The following MAEA variants were observed in gnomAD, a reference collection of about 807,000 sequenced individuals.
MAEA encodes macrophage erythroblast attacher, E3 ubiquitin ligase.
In MAEA, 22 loss-of-function variants were observed where a neutral mutation model predicts 46.2. The observed-to-expected ratio is 0.48, with a 90% CI of 0.34 to 0.68. MAEA has a LOEUF of 0.68. Ranked by LOEUF, MAEA falls within the 30% of genes least tolerant of loss-of-function variation. The probability of loss-of-function intolerance (pLI) is 0.01; values close to 1 mark genes in which losing one functional copy is unlikely to be tolerated. For missense variants in MAEA, 393 were observed against 558.1 expected (o/e 0.70, Z 2.98); for synonymous variants, 246 against 222.6 (o/e 1.11, Z -0.94).
chr4:1,311,951 A>T lies in MAEA; in HGVS notation c.70-28A>T. On this transcript the variant is annotated intron_variant, in intron 1 of 8. Transcript: ENST00000303400. The surrounding 1 kb of genome is among the most constrained non-coding windows in gnomAD (Gnocchi z 4.4). Reference sequence around the variant, plus strand: ...GGTGGGGCTCACACCAGGGGAGCAGATCCCTCACCATCCTCCTTCCTCTCC... The same window carrying T: ...GGTGGGGCTCACACCAGGGGAGCAGTTCCCTCACCATCCTCCTTCCTCTCC... 6.3e-7 allele frequency: 1 copy of T among 1,588,842 alleles called. No homozygotes were observed. The highest frequency in any genetic ancestry group is 8.6e-7 in the Non-Finnish European group (1 of 1,162,560).
chr4:1,297,001 TC>T (rs753825061), intron 1 of MAEA, among the ~76,000 whole-genome samples: 2 of 152,116 alleles, frequency 1.3e-5, no homozygotes, highest in African/African-American at 2.4e-5. Context: ...ACTGCTGCCC[TC>T]CCCAGGCCTC....
chr4:1,329,307 C>T, intron 5 of MAEA: 1 of 983,026 alleles, frequency 1.0e-6, no homozygotes, highest in Non-Finnish European at 1.2e-6. Flanking sequence ...GCCTGTGTTC[C>T]CCCCGCTCCG....
intron 1 of MAEA, among the ~76,000 whole-genome samples, chr4:1,291,039 C>T (rs1170133006): frequency 6.6e-6 from 1 of 152,204 alleles, no homozygotes. Flanking sequence ...TCAAACAGTG[C>T]CTAGCATTCA....
chr4:1,324,851 T>A lies in MAEA; in HGVS notation c.579+2348T>A, dbSNP rs193075495. On this transcript the variant is annotated intron_variant, in intron 4 of 8. Coordinates refer to ENST00000303400, the MANE Select transcript of MAEA (RefSeq NM_001017405.3). Reference sequence around the variant, plus strand: ...GTGGATGAGCGTGCCTGGTGTTGGATGAGTTGAGATTGGATGAGCGTGCCT... The same window carrying A: ...GTGGATGAGCGTGCCTGGTGTTGGAAGAGTTGAGATTGGATGAGCGTGCCT... Among the ~76,000 whole-genome samples, 1,240 of 148,020 alleles carry A rather than the reference T, an allele frequency of 8.4e-3. 63 individuals are homozygous for A. Among genetic ancestry groups the A allele is most frequent in the Admixed American group, 0.076 (1,107 of 14,568 alleles).
intron 7 of MAEA, chr4:1,337,195 A>C (rs13135102): frequency 0.33 from 196,126 of 599,660 alleles, 35,097 homozygotes; most frequent in Non-Finnish European, 0.38. Context: ...TGCAGCCTTC[A>C]CTCTGGGAAG....
intron 3 of MAEA, among the ~76,000 whole-genome samples, chr4:1,320,221 GA>G (rs1334151042): frequency 6.8e-6 from 1 of 146,942 alleles, no homozygotes; most frequent in Non-Finnish European, 1.5e-5. Context: ...AAAACACTAT[GA>G]AGGGGCTTCA....
At chr4:1,328,425 G>A (rs1291074057) in intron 5 of MAEA, among the ~76,000 whole-genome samples, 12 of 152,250 alleles carry the variant, frequency 7.9e-5, no homozygotes, top group Non-Finnish European at 1.8e-4. Flanking sequence ...TCGGGGCAGG[G>A]CTGCTCCTTG....
At chr4:1,297,458 C>T (rs6823741) in intron 1 of MAEA, among the ~76,000 whole-genome samples, 42,752 of 150,670 alleles carry the variant, frequency 0.28, 8,465 homozygotes, top group African/African-American at 0.54. Flanking sequence ...AAAGTACGTG[C>T]GTATGTGTGT....
In MAEA at chr4:1,309,586, A is replaced by G. The variant is rs890997768; in HGVS notation, c.70-2393A>G. The G allele has an allele frequency of 1.4e-4, 216 of 1,498,170 alleles. 1 individual carries two copies. The highest frequency in any genetic ancestry group is 5.5e-4 in the South Asian group (44 of 79,682). 92.8% of individuals were successfully genotyped at this position (1,498,170 alleles called of 1,614,324 possible). On this transcript the variant is annotated intron_variant, in intron 1 of 8. Coordinates refer to ENST00000303400, the MANE Select transcript of MAEA (RefSeq NM_001017405.3). ...CGGGCCAGCGCTGGAGGAGGAGCAG[A>G]GGCAGGGAGGTGGGAGGAGCGTGCG...
At chr4:1,301,156 T>C (rs1735282521) in intron 1 of MAEA, among the ~76,000 whole-genome samples, 1 of 152,216 alleles carries the variant, frequency 6.6e-6, no homozygotes, top group Non-Finnish European at 1.5e-5. Context: ...GAAAACATGA[T>C]GATGACACAC....
In MAEA at chr4:1,311,109, G is replaced by A. The variant is rs572577694; in HGVS notation, c.70-870G>A. Reference sequence around the variant, plus strand: ...GGCTGGAGAGGAGGCGAGGTGGAGCGCTTGTTCTGGCACAGCTGCGACGGC... The same window carrying A: ...GGCTGGAGAGGAGGCGAGGTGGAGCACTTGTTCTGGCACAGCTGCGACGGC... On this transcript the variant is annotated intron_variant, in intron 1 of 8. Transcript: ENST00000303400. The surrounding 1 kb of genome is among the most constrained non-coding windows in gnomAD (Gnocchi z 4.4). 3.9e-5 allele frequency among the ~76,000 whole-genome samples: 6 copies of A among 152,228 alleles called. No individual in the cohort carries two copies. The highest frequency in any genetic ancestry group is 1.9e-4 in the East Asian group (1 of 5,184).
intron 5 of MAEA, chr4:1,328,825 G>C (rs1739173915): frequency 9.5e-7 from 1 of 1,051,732 alleles, no homozygotes; most frequent in Non-Finnish European, 1.2e-6. Flanking sequence ...GGCAGGTCAG[G>C]CCTCGTCTTC....
chr4:1,302,229 T>C (rs1735390017), intron 1 of MAEA, among the ~76,000 whole-genome samples: 1 of 152,260 alleles, frequency 6.6e-6, no homozygotes. Context: ...TCGTGTATCA[T>C]ATTAATAGAA....
chr4:1,309,278 C>A (rs1261582767), intron 1 of MAEA, among the ~76,000 whole-genome samples: 1 of 152,062 alleles, frequency 6.6e-6, no homozygotes, highest in Non-Finnish European at 1.5e-5. Context: ...GAGTTAGAGT[C>A]TTTAGCATTT....
chr4:1,327,378 C>T (rs899565610), intron 4 of MAEA, among the ~76,000 whole-genome samples: 4 of 152,224 alleles, frequency 2.6e-5, no homozygotes, highest in Non-Finnish European at 4.4e-5. Flanking sequence ...AAATGCTGGG[C>T]GGCTGCACGC....
intron 1 of MAEA, among the ~76,000 whole-genome samples, chr4:1,306,479 C>T (rs1005133312): frequency 3.3e-5 from 5 of 152,146 alleles, no homozygotes; most frequent in African/African-American, 9.7e-5. Flanking sequence ...CACGCTATTG[C>T]ACTCCAGCCT....
intron 1 of MAEA, among the ~76,000 whole-genome samples, chr4:1,294,766 G>A (rs1734462406): frequency 7.6e-6 from 1 of 132,174 alleles, no homozygotes; most frequent in South Asian, 2.5e-4. Context: ...CGCTGATGAG[G>A]TTGAGGTGAT....
At chr4:1,300,742 G>A (rs1325074328) in intron 1 of MAEA, among the ~76,000 whole-genome samples, 4 of 152,266 alleles carry the variant, frequency 2.6e-5, no homozygotes, top group Admixed American at 2.6e-4. Flanking sequence ...ACAACAGGGA[G>A]CGCAGAGCTC....
chr4:1,329,794 G>A, intron 5 of MAEA: 2 of 985,532 alleles, frequency 2.0e-6, no homozygotes, highest in Non-Finnish European at 2.4e-6. Flanking sequence ...ATCACTCACT[G>A]AGGCTGGACA....
Sources: gnomAD v4.1 joint callset for allele counts (sites outside exome capture counted in the v4.1 genomes callset) on GRCh38, gnomAD v4.1.1 for gene constraint, Gnocchi (gnomAD v3.1) non-coding constraint, MANE v1.5 for transcripts, NCBI Gene and HGNC (gene_info 2026-07-23, HGNC 2026-07-21) for gene names.